Variants in PREX1 observed in about 807,000 individuals in gnomAD.
The protein encoded by PREX1 is phosphatidylinositol 3,4,5-trisphosphate-dependent Rac exchanger 1 protein.
In PREX1, 41 loss-of-function variants were observed where a neutral mutation model predicts 198.3. The ratio of observed to expected loss-of-function variants is 0.21; its 90% CI spans 0.16 to 0.27. The LOEUF (loss-of-function observed/expected upper bound fraction) is 0.27, where lower values mean the gene tolerates loss of function less well. Among genes scored for constraint, PREX1 ranks in the 10% least tolerant of loss-of-function variants. PREX1 has a pLI of 1.00. For synonymous variants in PREX1, 843 were observed against 887.2 expected (o/e 0.95, Z 0.89); for missense variants, 1,620 against 2,200.7 (o/e 0.74, Z 5.28).
chr20:48,708,330 T>C lies in PREX1; in HGVS notation c.713A>G (p.Asn238Ser). The change falls in exon 6 of 40, where the codon AAT becomes AGT. Residue 238 changes from asparagine to serine, a missense_variant. By Grantham distance (46) the Asn-to-Ser change is conservative. Around this residue, in one of 7 missense-constraint regions of PREX1, gnomAD observed 488 missense variants for 802.5 expected, o/e 0.61. Transcript: ENST00000371941. ...QAMKTVCSNI[N>S]ETKRQMEKLE... is the part of the protein sequence containing the mutation. ...CTTCTCCATCTGCCGCTTGGTCTCATTGATGTTGGAGCAAACGGTCTTCAT... is the reference window on the plus strand; with the variant it reads ...CTTCTCCATCTGCCGCTTGGTCTCACTGATGTTGGAGCAAACGGTCTTCAT... 2 of 1,614,088 alleles carry C rather than the reference T, an allele frequency of 1.2e-6. No homozygotes were observed. Among genetic ancestry groups the C allele is most frequent in the Non-Finnish European group, 1.7e-6 (2 of 1,180,028 alleles).
In PREX1 at chr20:48,639,763, G is replaced by A. The variant is rs376607906; in HGVS notation, c.3904+3C>T. 38 of 1,613,486 alleles carry A rather than the reference G, an allele frequency of 2.4e-5. 1 individual carries two copies. Among genetic ancestry groups the A allele is most frequent in the South Asian group, 8.8e-5 (8 of 91,024 alleles). ...CCATGATGCACCCTCCCTGCCCACC[G>A]ACCTTCCACATATCTCTGAATGTTG... On this transcript the variant is annotated splice_donor_region_variant and intron_variant, in intron 30 of 39. Transcript: ENST00000371941.
chr20:48,656,900 T>C (rs1487244657), intron 18 of PREX1, 140 bp downstream of exon 18: 3 of 1,202,256 alleles, frequency 2.5e-6, no homozygotes, highest in African/African-American at 3.1e-5. Context: ...GCCGAATTAA[T>C]GAAGGTCCAG....
At chr20:48,661,300 T>A (rs970064433) in intron 15 of PREX1, among the ~76,000 whole-genome samples, 3 of 148,786 alleles carry the variant, frequency 2.0e-5, no homozygotes, top group African/African-American at 7.5e-5. Context: ...ATGCCTGTAA[T>A]CCCAGCTACT....
the PREX1 span, among the ~76,000 whole-genome samples, chr20:48,839,911 T>G: frequency 6.6e-6 from 1 of 152,242 alleles, no homozygotes; most frequent in African/African-American, 2.4e-5. Flanking sequence ...GCCAGACTAC[T>G]GATCGCTAAC....
chr20:48,841,669 A>C, the PREX1 span, among the ~76,000 whole-genome samples: 1 of 152,224 alleles, frequency 6.6e-6, no homozygotes, highest in African/African-American at 2.4e-5. Context: ...GGTCTCAATG[A>C]ACAACCCAGG....
intron 14 of PREX1, among the ~76,000 whole-genome samples, chr20:48,668,811 C>G (rs1025713677): frequency 1.3e-5 from 2 of 152,192 alleles, no homozygotes; most frequent in African/African-American, 2.4e-5. Context: ...CAGCCTCCCC[C>G]ACGCCGTGAG....
At chr20:48,699,913 C>T (rs1601084568) in intron 7 of PREX1, among the ~76,000 whole-genome samples, 1 of 152,208 alleles carries the variant, frequency 6.6e-6, no homozygotes, top group African/African-American at 2.4e-5. Flanking sequence ...CACTCATTCA[C>T]TCACACACAC....
the PREX1 span, among the ~76,000 whole-genome samples, chr20:48,838,267 A>G: frequency 1.3e-5 from 2 of 152,224 alleles, no homozygotes; most frequent in African/African-American, 4.8e-5. Flanking sequence ...TTGATGTCTT[A>G]TGCACTTTTC....
At chr20:48,692,864 G>A (rs2089826664) in intron 7 of PREX1, 74 bp from the exon 8 acceptor site, 3 of 1,259,618 alleles carry the variant, frequency 2.4e-6, no homozygotes, top group Non-Finnish European at 3.5e-6. Context: ...AGCGCAAAGG[G>A]GAACACAACA....
chr20:48,877,769 A>G, the PREX1 span, among the ~76,000 whole-genome samples: 6 of 152,368 alleles, frequency 3.9e-5, no homozygotes, highest in Admixed American at 1.3e-4. Context: ...CCTCTGCTCT[A>G]AAAGCTCCTC....
At chr20:48,648,128 A>C (rs1453200780) in intron 25 of PREX1, among the ~76,000 whole-genome samples, 1 of 152,152 alleles carries the variant, frequency 6.6e-6, no homozygotes, top group Non-Finnish European at 1.5e-5. Flanking sequence ...GCTGGTCTCA[A>C]AGTCCTGGGC....
chr20:48,681,264 G>C lies in PREX1; in HGVS notation c.1406C>G (p.Ala469Gly), dbSNP rs2089748200. 1 of 1,614,034 alleles carries C rather than the reference G, an allele frequency of 6.2e-7. No individual in the cohort carries two copies. Among genetic ancestry groups the C allele is most frequent in the South Asian group, 1.1e-5 (1 of 91,092 alleles). ...KTEEGVNLGQ[A>G]LLENGIIHHV... ...GTGGATGATGCCATTCTCCAACAGGGCTTGGCCCAAGTTGACTCCTTCTTC... is the reference window on the plus strand; with the variant it reads ...GTGGATGATGCCATTCTCCAACAGGCCTTGGCCCAAGTTGACTCCTTCTTC... The change falls in exon 11 of 40, where the codon GCC becomes GGC. Residue 469 changes from alanine (A) to glycine (G), a missense_variant. By Grantham distance (60) the Ala-to-Gly change is moderately conservative. Around this residue, in one of 7 missense-constraint regions of PREX1, gnomAD observed 488 missense variants for 802.5 expected, o/e 0.61. Coordinates refer to ENST00000371941, the MANE Select transcript of PREX1 (RefSeq NM_020820.4).
chr20:48,801,632 G>T (rs140940753), intron 1 of PREX1, among the ~76,000 whole-genome samples: 13 of 152,132 alleles, frequency 8.5e-5, no homozygotes, highest in Non-Finnish European at 1.5e-4. Flanking sequence ...GGACACCCAC[G>T]TCTCTCCCCG....
intron 1 of PREX1, among the ~76,000 whole-genome samples, chr20:48,788,795 C>T (rs1372247679): frequency 2.0e-5 from 3 of 152,128 alleles, no homozygotes; most frequent in Admixed American, 6.5e-5. Flanking sequence ...AATGCATTCA[C>T]GGATTAACGG....
At chr20:48,658,615 C>G (rs532499716) in intron 16 of PREX1, among the ~76,000 whole-genome samples, 2 of 152,212 alleles carry the variant, frequency 1.3e-5, no homozygotes, top group Admixed American at 6.5e-5. Context: ...GCCCATCACA[C>G]GGGCCAGGCA....
the PREX1 span, among the ~76,000 whole-genome samples, chr20:48,886,088 A>G: frequency 6.6e-6 from 1 of 152,172 alleles, no homozygotes; most frequent in Non-Finnish European, 1.5e-5. Flanking sequence ...ATAATGTGTC[A>G]ATGTAGGTTC....
chr20:48,842,446 A>G, the PREX1 span, among the ~76,000 whole-genome samples: 1 of 152,086 alleles, frequency 6.6e-6, no homozygotes, highest in South Asian at 2.1e-4. Flanking sequence ...GCCTTTGTGT[A>G]GAAAATTCCT....
chr20:48,869,615 T>G, the PREX1 span, among the ~76,000 whole-genome samples: 1 of 152,042 alleles, frequency 6.6e-6, no homozygotes, highest in African/African-American at 2.4e-5. Context: ...CAATGATAGA[T>G]AGGATAAAGA....
At chr20:48,769,624 CAT>C (rs1346573109) in intron 1 of PREX1, among the ~76,000 whole-genome samples, 1 of 152,230 alleles carries the variant, frequency 6.6e-6, no homozygotes, top group East Asian at 1.9e-4. Context: ...TGCAGAAACA[CAT>C]GAGACAGGCT....
Sources: gnomAD v4.1 joint callset for allele counts (sites outside exome capture counted in the v4.1 genomes callset) on GRCh38, gnomAD v4.1.1 for gene constraint, gnomAD v4.1.1 regional missense constraint, MANE v1.5 for transcripts, NCBI Gene and HGNC (gene_info 2026-07-23, HGNC 2026-07-21) for gene names.